The following ROBO2 variants were observed in gnomAD, a reference collection of about 807,000 sequenced individuals.
ROBO2 encodes the protein roundabout guidance receptor 2.
ROBO2 carries 53 observed loss-of-function variants against 160.8 expected under a neutral mutation model. The observed-to-expected ratio is 0.33, with a 90% CI of 0.26 to 0.41. The LOEUF (loss-of-function observed/expected upper bound fraction) is 0.41, where lower values mean the gene tolerates loss of function less well. Among genes scored for constraint, ROBO2 ranks in the 10% least tolerant of loss-of-function variants. The pLI is 1.00. For synonymous variants in ROBO2, 664 were observed against 611.7 expected, an observed-to-expected ratio of 1.09 and a Z score of -1.26; for missense variants, 1,577 against 1,722.4, an observed-to-expected ratio of 0.92 and a Z score of 1.49.
chr3:77,507,960 A>T (rs964453120), intron 5 of ROBO2, among the ~76,000 whole-genome samples: 1 of 152,082 alleles, frequency 6.6e-6, no homozygotes, highest in South Asian at 2.1e-4. Flanking sequence ...TTACTGGAAA[A>T]ATTGCCAAAA....
chr3:76,729,341 T>A (rs2093599408), intron 2 of ROBO2, among the ~76,000 whole-genome samples: 1 of 152,100 alleles, frequency 6.6e-6, no homozygotes, highest in Non-Finnish European at 1.5e-5. Context: ...TACTAGAAAT[T>A]GACTCTGAAA....
At chr3:77,396,810 C>A (rs2075326165) in intron 2 of ROBO2, among the ~76,000 whole-genome samples, 1 of 151,898 alleles carries the variant, frequency 6.6e-6, no homozygotes, top group Non-Finnish European at 1.5e-5. Context: ...ATTAGGTAAA[C>A]CAAGAAAAGG....
chr3:76,780,656 C>G (rs1442384815), intron 2 of ROBO2, among the ~76,000 whole-genome samples: 1 of 150,770 alleles, frequency 6.6e-6, no homozygotes, highest in Non-Finnish European at 1.5e-5. Context: ...CTGTGGATAT[C>G]TAATTTTTCC....
chr3:76,601,128 G>T (rs2087108565), intron 2 of ROBO2, among the ~76,000 whole-genome samples: 1 of 152,172 alleles, frequency 6.6e-6, no homozygotes, highest in Admixed American at 6.5e-5. Flanking sequence ...GCAAGAGGTG[G>T]GTTCCCATGG....
intron 2 of ROBO2, among the ~76,000 whole-genome samples, chr3:76,088,775 AAAC>A (rs1488975328): frequency 6.6e-6 from 1 of 152,080 alleles, no homozygotes. Context: ...AAGAAAGAAC[AAAC>A]AACAATATAA....
At chr3:76,754,432 C>T (rs1490175267) in intron 2 of ROBO2, among the ~76,000 whole-genome samples, 1 of 151,794 alleles carries the variant, frequency 6.6e-6, no homozygotes, top group African/African-American at 2.4e-5. Context: ...CTTCATAATT[C>T]CTAAACTGCA....
chr3:77,474,909 A>G (rs1026654821), intron 2 of ROBO2, among the ~76,000 whole-genome samples: 4 of 152,204 alleles, frequency 2.6e-5, no homozygotes, highest in African/African-American at 4.8e-5. Context: ...TCTTACATTT[A>G]TGAATGTAAA....
chr3:76,234,273 T>C (rs1704800770), intron 2 of ROBO2, among the ~76,000 whole-genome samples: 1 of 152,178 alleles, frequency 6.6e-6, no homozygotes, highest in Admixed American at 6.5e-5. Flanking sequence ...GCAATGAACA[T>C]ATGTCTTTAT....
Position 76,985,575 on chromosome 3 carries a change from G to GAAAAAA in ROBO2, c.110-112414_110-112409dup, listed in dbSNP as rs532632866. On this transcript the variant is annotated intron_variant, in intron 2 of 26. Transcript: ENST00000487694. ...TGGGCGACAAAGCGAGACTCCGTCTGAAAAAAAAAAAAAAAAAAAAAAAAA... is the reference window on the plus strand; with the variant it reads ...TGGGCGACAAAGCGAGACTCCGTCTGAAAAAAAAAAAAAAAAAAAAAAAAAAAAAAA... Among the ~76,000 whole-genome samples, 105 of 26,390 alleles carry GAAAAAA rather than the reference G, an allele frequency of 4.0e-3. 6 individuals are homozygous for GAAAAAA. The highest frequency in any genetic ancestry group is 6.8e-3 in the African/African-American group (45 of 6,636). The allele number at this position is 26,390 out of a possible 152,430, so 17.3% of individuals were successfully genotyped here.
chr3:76,391,315 C>T (rs548451723), intron 2 of ROBO2, among the ~76,000 whole-genome samples: 9 of 152,150 alleles, frequency 5.9e-5, no homozygotes, highest in South Asian at 2.1e-4. Flanking sequence ...AGACTAAGAC[C>T]GATTATGAGT....
At chr3:77,306,524 A>G (rs1350790898) in intron 2 of ROBO2, among the ~76,000 whole-genome samples, 1 of 152,202 alleles carries the variant, frequency 6.6e-6, no homozygotes, top group Non-Finnish European at 1.5e-5. Context: ...TTCTCTTAAA[A>G]TAAACACACA....
At chr3:76,136,204 G>T (rs2071423562) in intron 2 of ROBO2, among the ~76,000 whole-genome samples, 1 of 152,056 alleles carries the variant, frequency 6.6e-6, no homozygotes, top group Non-Finnish European at 1.5e-5. Flanking sequence ...ACTCGCTGAT[G>T]GTTTACATAG....
chr3:75,956,013 T>C (rs910463560), intron 2 of ROBO2, among the ~76,000 whole-genome samples: 10 of 151,820 alleles, frequency 6.6e-5, no homozygotes, highest in African/African-American at 2.4e-4. Flanking sequence ...TGCCTGTATT[T>C]GTCAATAGAA....
chr3:76,767,970 A>G (rs1184540864), intron 2 of ROBO2, among the ~76,000 whole-genome samples: 2 of 151,534 alleles, frequency 1.3e-5, no homozygotes, highest in Non-Finnish European at 3.0e-5. Context: ...TTTGGTAGTA[A>G]GTAAAGAATC....
chr3:76,920,317 G>A (rs2148985972), intron 2 of ROBO2, among the ~76,000 whole-genome samples: 1 of 152,188 alleles, frequency 6.6e-6, no homozygotes, highest in South Asian at 2.1e-4. Flanking sequence ...AGTCTCTAAA[G>A]CAGACAGTCT....
chr3:77,550,330 G>T (rs1346372679), intron 7 of ROBO2, among the ~76,000 whole-genome samples: 1 of 151,998 alleles, frequency 6.6e-6, no homozygotes, highest in Admixed American at 6.6e-5. Flanking sequence ...ACAACTTTGG[G>T]AGAAATTCAG....
intron 2 of ROBO2, among the ~76,000 whole-genome samples, chr3:77,161,599 T>C (rs2078493158): frequency 6.6e-6 from 1 of 152,252 alleles, no homozygotes; most frequent in Non-Finnish European, 1.5e-5. Flanking sequence ...ATTGGTTTTT[T>C]ATTTTCTGAA....
intron 2 of ROBO2, among the ~76,000 whole-genome samples, chr3:76,132,467 T>C (rs1321101575): frequency 6.7e-6 from 1 of 149,580 alleles, no homozygotes; most frequent in Non-Finnish European, 1.5e-5. Context: ...GTAAATCACA[T>C]TCATCAATTA....
intron 1 of ROBO2, among the ~76,000 whole-genome samples, chr3:77,085,799 T>A (rs2069224211): frequency 1.3e-5 from 2 of 152,258 alleles, no homozygotes; most frequent in South Asian, 4.1e-4. Context: ...AAGGTGTCAT[T>A]TAGAAATTTC....
Sources: gnomAD v4.1 joint callset for allele counts (sites outside exome capture counted in the v4.1 genomes callset) on GRCh38, gnomAD v4.1.1 for gene constraint, MANE v1.5 for transcripts, NCBI Gene and HGNC (gene_info 2026-07-23, HGNC 2026-07-21) for gene names.